Variants in KRT20 observed in about 807,000 individuals in gnomAD.
The protein encoded by KRT20 is keratin 20.
Under a neutral mutation model 43.0 loss-of-function variants are expected in KRT20, and 41 were observed. That is an observed-to-expected ratio of 0.95 (90% CI 0.74 to 1.24). The LOEUF is 1.24. KRT20 is among the 50% of genes most tolerant of loss of function. The probability of loss-of-function intolerance (pLI) is 0.00; values close to 1 mark genes in which losing one functional copy is unlikely to be tolerated. For synonymous variants in KRT20, 207 were observed against 200.6 expected, an observed-to-expected ratio of 1.03 and a Z score of -0.27; for missense variants, 533 against 521.2, an observed-to-expected ratio of 1.02 and a Z score of -0.22.
chr17:40,882,692 TA>T (rs1907653103), intron 1 of KRT20, 38 bp from the exon 2 acceptor site: 2 of 475,276 alleles, frequency 4.2e-6, no homozygotes, highest in African/African-American at 2.6e-5. Flanking sequence ...TTTTCTTTTT[TA>T]TTTATTTATT....
chr17:40,882,508 T>C, intron 2 of KRT20, 64 bp downstream of exon 2: 1 of 771,606 alleles, frequency 1.3e-6, no homozygotes, highest in Non-Finnish European at 2.1e-6. Flanking sequence ...GAAAGCTGAG[T>C]ATCTGGAAGG....
At chr17:40,879,064 G>A (rs1303671737) in intron 5 of KRT20, among the ~76,000 whole-genome samples, 1 of 152,160 alleles carries the variant, frequency 6.6e-6, no homozygotes, top group Non-Finnish European at 1.5e-5. Context: ...GCCTCCCAAA[G>A]GACAAATGCC....
At position 40,880,843 on chromosome 17, in the gene KRT20, G is replaced by C. The variant is rs901492554; in HGVS notation, c.474-73C>G. On this transcript the variant is annotated intron_variant, in intron 2 of 7. Coordinates refer to ENST00000167588, the MANE Select transcript of KRT20 (RefSeq NM_019010.3). ...TATAAGGAGAGAATCTAATATAATG[G>C]GATAGGTTTTTAAATGTGGCTTATG... is the stretch of plus-strand genomic sequence containing the variant. 14 of 1,208,876 alleles carry C rather than the reference G, an allele frequency of 1.2e-5. No individual in the cohort carries two copies. The African/African-American group carries it at 2.2e-4, about 19-fold the overall frequency. The allele number at this position is 1,208,876 out of a possible 1,614,324, so 74.9% of individuals were successfully genotyped here.
Position 40,885,230 on chromosome 17 carries a change from G to T in KRT20, c.-45C>A, listed in dbSNP as rs1424246800. 6.6e-7 allele frequency: 1 copy of T among 1,526,520 alleles called. No homozygotes were observed. The highest frequency in any genetic ancestry group is 8.8e-7 in the Non-Finnish European group (1 of 1,140,056). 94.6% of individuals were successfully genotyped at this position (1,526,520 alleles called of 1,614,324 possible). ...CACCTGTAGCTTCAGGATGGTTGGG[G>T]CAGAGTGTGTCTCATGGAGGGTGTT... On this transcript the variant is annotated 5_prime_UTR_variant, in exon 1 of 8. Transcript: ENST00000167588.
intron 1 of KRT20, 39 bp from the exon 2 acceptor site, chr17:40,882,693 A>T (rs182913089): frequency 1.3e-4 from 63 of 476,522 alleles, no homozygotes; most frequent in Middle Eastern, 1.1e-3. Flanking sequence ...TTTCTTTTTT[A>T]TTTATTTATT....
Position 40,885,233 on chromosome 17 carries a change from G to C in KRT20, c.-48C>G. 6.6e-7 allele frequency: 1 copy of C among 1,520,010 alleles called. No individual in the cohort carries two copies. Among genetic ancestry groups the C allele is most frequent in the Non-Finnish European group, 8.8e-7 (1 of 1,136,660 alleles). 94.2% of individuals were successfully genotyped at this position (1,520,010 alleles called of 1,614,324 possible). A position where few individuals can be genotyped will look rare whatever the true frequency, so the allele number is the denominator to read the frequency against. On this transcript the variant is annotated 5_prime_UTR_variant, in exon 1 of 8. Coordinates refer to ENST00000167588, the MANE Select transcript of KRT20 (RefSeq NM_019010.3). The stretch of plus-strand genomic sequence containing the variant: ...CTGTAGCTTCAGGATGGTTGGGGCA[G>C]AGTGTGTCTCATGGAGGGTGTTGAG...
chr17:40,877,312 A>G (rs1461688303), intron 7 of KRT20, 68 bp downstream of exon 7: 7 of 1,078,514 alleles, frequency 6.5e-6, no homozygotes, highest in Non-Finnish European at 6.7e-6. Flanking sequence ...TTTACTTTTT[A>G]TCAGTGGCAT....
At chr17:40,878,583 T>C (rs1907452993) in intron 5 of KRT20, among the ~76,000 whole-genome samples, 1 of 152,182 alleles carries the variant, frequency 6.6e-6, no homozygotes. Flanking sequence ...GCTTTGCACC[T>C]ACTGTTCTTT....
chr17:40,884,658 G>A, intron 1 of KRT20, 138 bp downstream of exon 1: 4 of 917,802 alleles, frequency 4.4e-6, no homozygotes, highest in Non-Finnish European at 6.5e-6. Flanking sequence ...ACTAAAGGTA[G>A]ATGAAAGAAT....
At position 40,885,141 on chromosome 17, in the gene KRT20, G is replaced by T. The variant is rs200982862; in HGVS notation, c.45C>A (p.Ser15=). ...RRSFHRSLSS[S]LQAPVVSTVG... ...CTGTACTGACTACAGGGGCCTGCAA[G>T]GAGGAGCTCAGGCTTCTGTGGAAGC... The change falls in exon 1 of 8, where the codon TCC becomes TCA. Residue 15 remains serine (S), a synonymous_variant. Transcript: ENST00000167588. 3.7e-6 allele frequency: 6 copies of T among 1,611,556 alleles called. No individual in the cohort carries two copies. The African/African-American group carries it at 8.0e-5, about 21-fold the overall frequency.
At chr17:40,883,603 T>C (rs749674387) in intron 1 of KRT20, among the ~76,000 whole-genome samples, 4 of 152,238 alleles carry the variant, frequency 2.6e-5, no homozygotes, top group African/African-American at 4.8e-5. Flanking sequence ...GGCATATAGA[T>C]GAAAAATCTA....
chr17:40,885,075 C>G lies in KRT20; in HGVS notation c.111G>C (p.Gly37=). The G allele has an allele frequency of 6.2e-7, 1 of 1,614,156 alleles. No homozygotes were observed. The highest frequency in any genetic ancestry group is 8.5e-7 in the Non-Finnish European group (1 of 1,180,030). The change falls in exon 1 of 8, where the codon GGG becomes GGC. Residue 37 remains glycine, a synonymous_variant. Transcript: ENST00000167588. ...QRLGTTPSVY[G]GAGGRGIRIS... is the part of the protein sequence containing the mutation. ...TGCGGATGCCCCGGCCTCCAGCACC[C>G]CCATAAACGCTGGGTGTCGTCCCGA... is the stretch of plus-strand genomic sequence containing the variant.
intron 6 of KRT20, 89 bp downstream of exon 6, chr17:40,878,056 G>A: frequency 9.1e-7 from 1 of 1,096,386 alleles, no homozygotes; most frequent in Non-Finnish European, 1.4e-6. Context: ...CCTAGGGATT[G>A]CATTGGTGCT....
At position 40,878,295 on chromosome 17, in the gene KRT20, G is replaced by A. The variant is rs769709264; in HGVS notation, c.989C>T (p.Ser330Leu). Residue 330 changes from serine to leucine, a missense_variant, in exon 6 of 8, where the codon TCG (serine) becomes TTG (leucine). Coordinates refer to ENST00000167588, the MANE Select transcript of KRT20 (RefSeq NM_019010.3). ...TTGGGCCTCCAGAGAGCTCAACAGC[G>A]ACTGGAGGTTGGCTAACTGGCTGCT... is the stretch of plus-strand genomic sequence containing the variant. ...RYSSQLANLQ[S>L]LLSSLEAQLM... The A allele has an allele frequency of 5.0e-6, 8 of 1,614,154 alleles. No individual in the cohort carries two copies. Among genetic ancestry groups the A allele is most frequent in the Middle Eastern group, 1.6e-4 (1 of 6,062 alleles).
In KRT20 at chr17:40,876,454, T is replaced by C. The variant is rs1907350424; in HGVS notation, c.1182A>G (p.Ile394Met). ...YQLSTLEERDIKKTRKIKTVV... is the reference protein window; with the variant it reads ...YQLSTLEERDMKKTRKIKTVV... Reference sequence around the variant, plus strand: ...CTGTCTTAATCTTCCTGGTTTTCTTTATATCTGAATTCATATTAAACATTA... The same window carrying C: ...CTGTCTTAATCTTCCTGGTTTTCTTCATATCTGAATTCATATTAAACATTA... Residue 394 changes from isoleucine (I) to methionine (M), a missense_variant, in exon 8 of 8, where the codon ATA becomes ATG. Ile to Met is a conservative substitution (Grantham distance 10). Transcript: ENST00000167588. 6 of 1,593,948 alleles carry C rather than the reference T, an allele frequency of 3.8e-6. No individual in the cohort carries two copies. In the East Asian group the frequency reaches 1.3e-4, roughly 36 times the overall value.
Position 40,877,886 on chromosome 17 carries a change from A to C in KRT20, c.1139+259T>G, listed in dbSNP as rs148259711. On this transcript the variant is annotated intron_variant, in intron 6 of 7. Transcript: ENST00000167588. Reference sequence around the variant, plus strand: ...ATGAAAATTAATATCAGCATAATCTATATCATTTGGAGAATTATCTCCAAA... The same window carrying C: ...ATGAAAATTAATATCAGCATAATCTCTATCATTTGGAGAATTATCTCCAAA... Among the ~76,000 whole-genome samples the C allele has an allele frequency of 5.0e-4, 76 of 152,284 alleles. 1 individual carries two copies. The highest frequency in any genetic ancestry group is 4.6e-3 in the East Asian group (24 of 5,178).
rs756982484 is a variant in KRT20 at position 40,880,649 on chromosome 17, T to C, written c.595A>G (p.Lys199Glu). 7 of 1,613,162 alleles carry C rather than the reference T, an allele frequency of 4.3e-6. No homozygotes were observed. The South Asian group carries it at 4.4e-5, about 10-fold the overall frequency. ...TCCTTTTTGAGGAGAGCTAGGTCTT[T>C]ATTCAGTTCTTCAATTTGAATCTCC... ...DLEIQIEELN[K>E]DLALLKKEHQ... Residue 199 changes from lysine to glutamate, a missense_variant, in exon 3 of 8, where the codon AAA (lysine) becomes GAA (glutamate). Transcript: ENST00000167588.
At chr17:40,878,712 G>A (rs1907458830) in intron 5 of KRT20, among the ~76,000 whole-genome samples, 1 of 152,152 alleles carries the variant, frequency 6.6e-6, no homozygotes, top group Admixed American at 6.5e-5. Context: ...TCAATTGCAG[G>A]ATTAGATTCC....
In KRT20 at chr17:40,879,893, T is replaced by A. The variant is rs1907517921; in HGVS notation, c.838A>T (p.Lys280Ter). Residue 280 changes from lysine to a stop codon, truncating the protein, a stop_gained, in exon 5 of 8, where the codon AAA becomes TAA. Transcript: ENST00000167588. LOFTEE classifies it high-confidence loss of function. The stretch of plus-strand genomic sequence containing the variant: ...TCCGTTAGTTGAACCTCAGTTCCTT[T>A]TAATTCTTCAGTATTCACTGTGACC... The part of the protein sequence containing the change: ...QQVTVNTEEL[K>*]GTEVQLTELR... 6.2e-7 allele frequency: 1 copy of A among 1,613,866 alleles called. No individual in the cohort carries two copies. Among genetic ancestry groups the A allele is most frequent in the East Asian group, 2.2e-5 (1 of 44,888 alleles).
Sources: allele counts gnomAD v4.1 joint callset (sites outside exome capture counted in the v4.1 genomes callset), GRCh38; gene constraint gnomAD v4.1.1; transcripts MANE v1.5; gene names NCBI Gene and HGNC (gene_info 2026-07-23, HGNC 2026-07-21).